PALLD: variants seen among roughly 807,000 people sequenced by gnomAD.
PALLD encodes the protein palladin, cytoskeletal associated protein.
A neutral mutation model predicts 123.5 loss-of-function variants in PALLD; 61 were observed. The ratio of observed to expected loss-of-function variants is 0.49; its 90% CI spans 0.40 to 0.61. The LOEUF (loss-of-function observed/expected upper bound fraction) is 0.61, where lower values mean the gene tolerates loss of function less well. Ranked by LOEUF, PALLD falls within the 20% of genes least tolerant of loss-of-function variation. The probability of loss-of-function intolerance (pLI) is 0.00; values close to 1 mark genes in which losing one functional copy is unlikely to be tolerated. For missense variants in PALLD, 1,273 were observed against 1,377.0 expected (o/e 0.92, Z 1.20); for synonymous variants, 465 against 496.4 (o/e 0.94, Z 0.84).
At chr4:168,581,842 T>C (rs1188991888) in intron 2 of PALLD, among the ~76,000 whole-genome samples, 1 of 152,134 alleles carries the variant, frequency 6.6e-6, no homozygotes, top group East Asian at 1.9e-4. Context: ...GCCTAACCAA[T>C]GTCAAGGTTT....
At chr4:168,709,002 A>C in intron 8 of PALLD, 26 bp from the exon 9 acceptor site, 1 of 1,611,536 alleles carries the variant, frequency 6.2e-7, no homozygotes, top group Non-Finnish European at 8.5e-7. Context: ...AACTCTGATG[A>C]ATGATTCTGT....
chr4:168,708,227 C>T (rs555012847), intron 8 of PALLD, among the ~76,000 whole-genome samples: 30 of 152,226 alleles, frequency 2.0e-4, no homozygotes, highest in African/African-American at 7.2e-4. Context: ...GTAACAATAC[C>T]TAGTGTATAG....
intron 10 of PALLD, among the ~76,000 whole-genome samples, chr4:168,728,013 TG>T (rs61094972): frequency 4.1e-3 from 630 of 152,318 alleles, no homozygotes; most frequent in African/African-American, 0.014. Flanking sequence ...AAAGATCAAA[TG>T]GTTGTTTGTG....
chr4:168,566,081 T>C (rs1481726294), intron 2 of PALLD, among the ~76,000 whole-genome samples: 2 of 152,160 alleles, frequency 1.3e-5, no homozygotes, highest in Non-Finnish European at 2.9e-5. Context: ...ATAAATAATA[T>C]AGTCTCTTAG....
chr4:168,507,105 C>G (rs1762082535), intron 1 of PALLD, among the ~76,000 whole-genome samples: 1 of 152,076 alleles, frequency 6.6e-6, no homozygotes. Flanking sequence ...ACATCAACAC[C>G]AGAGTTACCA....
chr4:168,871,453 C>A (rs1321478601), intron 10 of PALLD, among the ~76,000 whole-genome samples: 9 of 151,414 alleles, frequency 5.9e-5, no homozygotes, highest in Admixed American at 5.9e-4. Flanking sequence ...GAAATGAGAT[C>A]ACTGATTTTG....
chr4:168,925,721 AATTT>A (rs1199832226), intron 21 of PALLD, among the ~76,000 whole-genome samples: 4 of 152,200 alleles, frequency 2.6e-5, no homozygotes, highest in African/African-American at 7.2e-5. Flanking sequence ...TTTATTTAAG[AATTT>A]ATTTCAGATT....
At chr4:168,660,126 A>C (rs1365998202) in intron 2 of PALLD, among the ~76,000 whole-genome samples, 1 of 152,222 alleles carries the variant, frequency 6.6e-6, no homozygotes, top group Non-Finnish European at 1.5e-5. Flanking sequence ...TACAGTTCAG[A>C]GCCCCACTGC....
intron 10 of PALLD, among the ~76,000 whole-genome samples, chr4:168,822,037 C>G (rs1439620643): frequency 1.3e-5 from 2 of 152,034 alleles, no homozygotes; most frequent in Non-Finnish European, 1.5e-5. Flanking sequence ...AGGCCTGATC[C>G]CAGAACCCTC....
intron 2 of PALLD, among the ~76,000 whole-genome samples, chr4:168,604,693 T>C (rs1162889606): frequency 6.6e-6 from 1 of 152,232 alleles, no homozygotes; most frequent in Non-Finnish European, 1.5e-5. Context: ...GAATTCCTGC[T>C]GTCAGTGACT....
At chr4:168,515,984 C>T (rs368299449) in intron 2 of PALLD, among the ~76,000 whole-genome samples, 4 of 152,174 alleles carry the variant, frequency 2.6e-5, no homozygotes, top group African/African-American at 9.7e-5. Context: ...AAAACCAGGC[C>T]AGTCACTTCA....
chr4:168,753,022 G>A (rs1430760472), intron 10 of PALLD, among the ~76,000 whole-genome samples: 1 of 152,110 alleles, frequency 6.6e-6, no homozygotes, highest in East Asian at 1.9e-4. Flanking sequence ...ACTATATTAA[G>A]AGTACATTTA....
chr4:168,810,887 G>T (rs1741024461), intron 10 of PALLD, among the ~76,000 whole-genome samples: 1 of 152,116 alleles, frequency 6.6e-6, no homozygotes, highest in African/African-American at 2.4e-5. Context: ...GTTAGATGTG[G>T]ACCCTGGAGG....
At chr4:168,735,220 C>T (rs903777661) in intron 10 of PALLD, among the ~76,000 whole-genome samples, 6 of 152,234 alleles carry the variant, frequency 3.9e-5, no homozygotes, top group Non-Finnish European at 8.8e-5. Context: ...GACAGGCATC[C>T]GCACCACAGA....
rs763925511 is a variant in PALLD, at chr4:168,924,324, C to T, written c.3128C>T (p.Pro1043Leu). 2 of 1,613,874 alleles carry T rather than the reference C, an allele frequency of 1.2e-6. No individual in the cohort carries two copies. Among genetic ancestry groups the T allele is most frequent in the Admixed American group, 3.3e-5 (2 of 60,006 alleles). Residue 1043 changes from proline (P) to leucine (L), a missense_variant, in exon 19 of 22, where the codon CCA (proline) becomes CTA (leucine). Coordinates refer to ENST00000505667, the MANE Select transcript of PALLD (RefSeq NM_001166108.2). ...AACACAGGAGTTGCTGATGGGTACC[C>T]AGTGCGGCTGGAATGTCGTGTATTG... is the stretch of plus-strand genomic sequence containing the variant. ...LQNTGVADGY[P>L]VRLECRVLGV...
chr4:168,873,766 T>A (rs1186501906), intron 10 of PALLD, among the ~76,000 whole-genome samples: 1 of 152,226 alleles, frequency 6.6e-6, no homozygotes, highest in Non-Finnish European at 1.5e-5. Context: ...TTACTTGACC[T>A]CACTAACTGA....
Position 168,864,302 on chromosome 4 carries a change from T to C in PALLD, c.1965-26620T>C, listed in dbSNP as rs181642967. 6 of 152,370 alleles carry C rather than the reference T, an allele frequency of 3.9e-5. No individual in the cohort carries two copies. In the East Asian group the frequency reaches 7.7e-4, roughly 20 times the overall value. 9.4% of individuals were successfully genotyped at this position (152,370 alleles called of 1,614,324 possible). A position where few individuals can be genotyped will look rare whatever the true frequency, so the allele number is the denominator to read the frequency against. On this transcript the variant is annotated intron_variant, in intron 10 of 21. Transcript: ENST00000505667. ...TTGTTCTTTGTAATGTTTATCTGTA[T>C]TCTTGTTAGAAACGACTTTCTGGTT...
intron 2 of PALLD, among the ~76,000 whole-genome samples, chr4:168,513,398 T>A (rs1762707633): frequency 6.6e-6 from 1 of 152,186 alleles, no homozygotes; most frequent in Admixed American, 6.5e-5. Flanking sequence ...TTTCTATACA[T>A]TCTTCTGACT....
At chr4:168,558,400 T>A (rs1254710572) in intron 2 of PALLD, among the ~76,000 whole-genome samples, 1 of 152,218 alleles carries the variant, frequency 6.6e-6, no homozygotes, top group African/African-American at 2.4e-5. Context: ...GTATCCCACA[T>A]GCAAGGAAGG....
Sources: gnomAD v4.1 joint callset for allele counts (sites outside exome capture counted in the v4.1 genomes callset) on GRCh38, gnomAD v4.1.1 for gene constraint, MANE v1.5 for transcripts, NCBI Gene and HGNC (gene_info 2026-07-23, HGNC 2026-07-21) for gene names.